The following IMMP1L variants were observed in gnomAD, a reference collection of about 807,000 sequenced individuals.
The protein encoded by IMMP1L is mitochondrial inner membrane protease subunit 1.
IMMP1L carries 24 observed loss-of-function variants against 21.8 expected under a neutral mutation model. The observed-to-expected ratio is 1.10, with a 90% CI of 0.80 to 1.55. The LOEUF (loss-of-function observed/expected upper bound fraction) is 1.55. Ranked by LOEUF, IMMP1L falls within the 40% of genes most tolerant of loss-of-function variation. IMMP1L has a pLI of 0.00. For synonymous variants in IMMP1L, 46 were observed against 62.8 expected (o/e 0.73, Z 1.26); for missense variants, 195 against 200.7 (o/e 0.97, Z 0.17).
intron 1 of IMMP1L, among the ~76,000 whole-genome samples, chr11:31,500,909 T>G (rs984209919): frequency 7.2e-5 from 11 of 152,220 alleles, no homozygotes; most frequent in Non-Finnish European, 1.6e-4. Flanking sequence ...ATATTTACTA[T>G]TTGGTCTTTT....
intron 1 of IMMP1L, among the ~76,000 whole-genome samples, chr11:31,506,410 T>A (rs994932848): frequency 6.6e-6 from 1 of 151,656 alleles, no homozygotes; most frequent in African/African-American, 2.4e-5. Context: ...TTTGTATTTT[T>A]TAGTAGAGAC....
intron 1 of IMMP1L, among the ~76,000 whole-genome samples, chr11:31,495,109 C>T (rs980312497): frequency 2.0e-5 from 3 of 152,224 alleles, no homozygotes; most frequent in African/African-American, 7.2e-5. Flanking sequence ...AGCAGAGTTA[C>T]CTTTGCTCCA....
intron 1 of IMMP1L, among the ~76,000 whole-genome samples, chr11:31,507,670 G>T (rs1955816487): frequency 6.6e-6 from 1 of 152,128 alleles, no homozygotes; most frequent in East Asian, 1.9e-4. Flanking sequence ...TGGTTGGCAG[G>T]GGGGATGGGG....
chr11:31,448,245 G>T, intron 4 of IMMP1L, among the ~76,000 whole-genome samples: 1 of 152,172 alleles, frequency 6.6e-6, no homozygotes, highest in East Asian at 1.9e-4. Context: ...GAAGGCAGAG[G>T]TTGCAGTGAG....
intron 1 of IMMP1L, chr11:31,488,330 A>T (rs1955149694): frequency 6.6e-6 from 1 of 152,216 alleles, no homozygotes; most frequent in African/African-American, 2.4e-5. Context: ...ACTGAATGAC[A>T]GTTGTAACGG....
At chr11:31,456,149 C>T in intron 4 of IMMP1L, 111 bp downstream of exon 4, 1 of 658,132 alleles carries the variant, frequency 1.5e-6, no homozygotes, top group Non-Finnish European at 2.4e-6. Context: ...CTACTGGATG[C>T]CCTTTTTTCT....
chr11:31,481,182 T>C (rs1481314215), intron 1 of IMMP1L, among the ~76,000 whole-genome samples: 2 of 152,102 alleles, frequency 1.3e-5, no homozygotes, highest in African/African-American at 4.8e-5. Context: ...AAATAATATG[T>C]TGATTATTCT....
At chr11:31,481,380 T>C (rs1954886742) in intron 1 of IMMP1L, among the ~76,000 whole-genome samples, 1 of 152,124 alleles carries the variant, frequency 6.6e-6, no homozygotes, top group South Asian at 2.1e-4. Flanking sequence ...AATTTGATGC[T>C]TTAAACTAAA....
intron 1 of IMMP1L, among the ~76,000 whole-genome samples, chr11:31,475,273 T>C (rs984007133): frequency 1.3e-5 from 2 of 152,142 alleles, no homozygotes; most frequent in African/African-American, 2.4e-5. Context: ...AAAAGTAAAA[T>C]ACCAAAACAT....
At chr11:31,499,411 C>A (rs895078284) in intron 1 of IMMP1L, among the ~76,000 whole-genome samples, 1 of 145,288 alleles carries the variant, frequency 6.9e-6, no homozygotes, top group Middle Eastern at 3.2e-3. Flanking sequence ...TACACTGAAA[C>A]GACAGTACGT....
intron 4 of IMMP1L, among the ~76,000 whole-genome samples, chr11:31,451,926 A>T (rs1044135584): frequency 6.6e-6 from 1 of 152,230 alleles, no homozygotes; most frequent in African/African-American, 2.4e-5. Context: ...AAAAAAACCT[A>T]GAAAAAGCAG....
At chr11:31,465,834 T>C (rs1348528069) in intron 1 of IMMP1L, among the ~76,000 whole-genome samples, 5 of 151,750 alleles carry the variant, frequency 3.3e-5, no homozygotes, top group African/African-American at 1.2e-4. Flanking sequence ...CAAACTATAA[T>C]ACTATAGGGG....
At chr11:31,496,522 G>A (rs1955440728) in intron 1 of IMMP1L, among the ~76,000 whole-genome samples, 1 of 151,934 alleles carries the variant, frequency 6.6e-6, no homozygotes, top group Non-Finnish European at 1.5e-5. Context: ...ATACTTCTAT[G>A]CCAATGTTCA....
intron 4 of IMMP1L, among the ~76,000 whole-genome samples, chr11:31,436,428 C>G (rs895214761): frequency 6.6e-5 from 10 of 152,218 alleles, no homozygotes; most frequent in African/African-American, 2.2e-4. Flanking sequence ...GCGACATCAT[C>G]TCTGGAGTAA....
At chr11:31,487,883 C>A (rs951550153) in intron 1 of IMMP1L, among the ~76,000 whole-genome samples, 1 of 152,032 alleles carries the variant, frequency 6.6e-6, no homozygotes, top group Non-Finnish European at 1.5e-5. Context: ...GCTCCAGGTA[C>A]CAACATGATG....
intron 1 of IMMP1L, among the ~76,000 whole-genome samples, chr11:31,487,223 G>C (rs899933666): frequency 1.3e-5 from 2 of 151,864 alleles, no homozygotes; most frequent in African/African-American, 4.8e-5. Flanking sequence ...GAAGAAATAA[G>C]TTACTATGCC....
chr11:31,437,121 TAAG>T (rs1215628248), intron 4 of IMMP1L: 1 of 444,376 alleles, frequency 2.3e-6, no homozygotes, highest in Non-Finnish European at 4.5e-6. Flanking sequence ...TCCACCTCTA[TAAG>T]TTGCAGGTTG....
intron 4 of IMMP1L, chr11:31,452,204 C>A (rs1212165964): frequency 1.0e-6 from 1 of 983,292 alleles, no homozygotes; most frequent in Non-Finnish European, 1.2e-6. Context: ...TGTTTAGATG[C>A]AGATTTTACA....
chr11:31,487,644 T>C (rs1408849936), intron 1 of IMMP1L, among the ~76,000 whole-genome samples: 1 of 152,150 alleles, frequency 6.6e-6, no homozygotes. Context: ...GGGGCAGTTT[T>C]AGATATTTTC....
Sources: allele counts gnomAD v4.1 joint callset (sites outside exome capture counted in the v4.1 genomes callset), GRCh38; gene constraint gnomAD v4.1.1; transcripts MANE v1.5; gene names NCBI Gene and HGNC (gene_info 2026-07-23, HGNC 2026-07-21).